HYDIN: variants seen among roughly 807,000 people sequenced by gnomAD.
The protein encoded by HYDIN is axonemal central pair apparatus protein HYDIN.
HYDIN carries 132 observed loss-of-function variants against 403.9 expected under a neutral mutation model. That is an observed-to-expected ratio of 0.33 (90% CI 0.28 to 0.38). The LOEUF is 0.38. Among genes scored for constraint, HYDIN ranks in the 10% least tolerant of loss-of-function variants. The pLI is 1.00. For missense variants in HYDIN, 2,827 were observed against 5,009.5 expected (o/e 0.56, Z 13.15); for synonymous variants, 1,202 against 1,891.7 (o/e 0.64, Z 9.46).
At chr16:71,086,158 T>G (rs2144357891) in intron 12 of HYDIN, among the ~76,000 whole-genome samples, 1 of 152,134 alleles carries the variant, frequency 6.6e-6, no homozygotes, top group Non-Finnish European at 1.5e-5. Flanking sequence ...TACTGTATTT[T>G]TAAGTTTCTT....
chr16:71,144,731 GA>G lies in HYDIN; in HGVS notation c.842-7380del, dbSNP rs1044132649. 1.1e-4 allele frequency among the ~76,000 whole-genome samples: 16 copies of G among 150,878 alleles called. 1 individual carries two copies. The highest frequency in any genetic ancestry group is 5.9e-5 in the Non-Finnish European group (4 of 67,796). On this transcript the variant is annotated intron_variant, in intron 7 of 85. Coordinates refer to ENST00000393567, the MANE Select transcript of HYDIN (RefSeq NM_001270974.2). ...AACTCTGGTTGTCAGAAAAAGCAAA[GA>G]AATCTCCTAACTTCATTTAATCAAG...
Position 70,807,534 on chromosome 16 carries a change from A to G in HYDIN, c.*46T>C. On this transcript the variant is annotated 3_prime_UTR_variant, in exon 86 of 86. Coordinates refer to ENST00000393567, the MANE Select transcript of HYDIN (RefSeq NM_001270974.2). The stretch of plus-strand genomic sequence containing the variant: ...TGTTTTCTCTATTCTTTTTCAGGCT[A>G]AGACAATGCATAGCTTTTGGTTGAT... The G allele has an allele frequency of 1.9e-6, 3 of 1,541,004 alleles. No individual in the cohort carries two copies. Among genetic ancestry groups the G allele is most frequent in the Non-Finnish European group, 2.6e-6 (3 of 1,145,138 alleles).
chr16:70,874,824 A>C lies in HYDIN; in HGVS notation c.10653T>G (p.His3551Gln), dbSNP rs1237725875. 6 of 1,613,454 alleles carry C rather than the reference A, an allele frequency of 3.7e-6. No homozygotes were observed. Among genetic ancestry groups the C allele is most frequent in the Non-Finnish European group, 5.1e-6 (6 of 1,179,810 alleles). ...YIYITEENKP[H>Q]VKAKKAHTAS... is the part of the protein sequence containing the mutation. ...CACCCTCCCCACACTTACCTTTTACATGTGGTTTATTTTCCTCTGTGATGT... is the reference window on the plus strand; with the variant it reads ...CACCCTCCCCACACTTACCTTTTACCTGTGGTTTATTTTCCTCTGTGATGT... Residue 3551 changes from histidine to glutamine, a missense_variant, in exon 63 of 86, where the codon CAT becomes CAG. Coordinates refer to ENST00000393567, the MANE Select transcript of HYDIN (RefSeq NM_001270974.2).
chr16:71,093,898 T>C lies in HYDIN; in HGVS notation c.1365A>G (p.Glu455=). 6.2e-7 allele frequency: 1 copy of C among 1,613,586 alleles called. No individual in the cohort carries two copies. The highest frequency in any genetic ancestry group is 8.5e-7 in the Non-Finnish European group (1 of 1,179,744). The stretch of plus-strand genomic sequence containing the variant: ...TGAAGTGAATCTTAGGTCCCATGCC[T>C]TCCCCTTTGATTCGGAGGGGCAGAC... ...EIRLPLRIKG[E]GMGPKIHFNF... Residue 455 remains glutamate, a synonymous_variant, in exon 11 of 86, where the codon GAA becomes GAG. Coordinates refer to ENST00000393567, the MANE Select transcript of HYDIN (RefSeq NM_001270974.2).
In HYDIN at chr16:71,020,230, A is replaced by G. The variant is rs746580128; in HGVS notation, c.3274T>C (p.Ser1092Pro). Residue 1092 changes from serine (S) to proline (P), a missense_variant, in exon 22 of 86, where the codon TCT (serine) becomes CCT (proline). Transcript: ENST00000393567. ...TLPVNLLLST[S>P]GPFFICETDK... is the part of the protein sequence containing the mutation. ...GTCTCACATATAAAGAAGGGTCCAG[A>G]TGTTGACAGCAACAAGTTCACGGGC... 12 of 1,613,984 alleles carry G rather than the reference A, an allele frequency of 7.4e-6. No individual in the cohort carries two copies. In the South Asian group the frequency reaches 1.3e-4, roughly 18 times the overall value.
At chr16:71,064,556 A>G in intron 16 of HYDIN, 149 bp downstream of exon 16, 1 of 704,854 alleles carries the variant, frequency 1.4e-6, no homozygotes, top group South Asian at 2.4e-5. Flanking sequence ...TGACTTTATA[A>G]CCCGATCCTT....
intron 75 of HYDIN, among the ~76,000 whole-genome samples, chr16:70,842,781 T>G (rs2037916325): frequency 6.6e-6 from 1 of 152,004 alleles, no homozygotes; most frequent in South Asian, 2.1e-4. Flanking sequence ...CTATATATCA[T>G]GTCTTTTTAA....
At chr16:71,197,317 G>A (rs1283747414) in intron 1 of HYDIN, among the ~76,000 whole-genome samples, 1 of 152,164 alleles carries the variant, frequency 6.6e-6, no homozygotes, top group African/African-American at 2.4e-5. Context: ...TTTTTGAGGA[G>A]TAAAGATGAA....
intron 8 of HYDIN, chr16:71,132,030 A>G (rs1455130669): frequency 6.9e-6 from 1 of 145,326 alleles, no homozygotes; most frequent in Non-Finnish European, 1.5e-5. Context: ...AGAAAAATAC[A>G]TACTTATTAG....
intron 1 of HYDIN, among the ~76,000 whole-genome samples, chr16:71,225,818 C>A (rs1290343519): frequency 1.3e-5 from 2 of 151,810 alleles, no homozygotes; most frequent in Non-Finnish European, 2.9e-5. Flanking sequence ...GTATCATATA[C>A]AATAGCATCA....
At chr16:70,843,603 C>G (rs986879511) in intron 75 of HYDIN, among the ~76,000 whole-genome samples, 4 of 139,436 alleles carry the variant, frequency 2.9e-5, no homozygotes, top group Non-Finnish European at 6.0e-5. Context: ...TTCTAGGTCC[C>G]TGAGGAATCG....
intron 5 of HYDIN, 82 bp downstream of exon 5, chr16:71,175,525 C>T (rs1331005651): frequency 7.1e-7 from 1 of 1,399,622 alleles, no homozygotes; most frequent in Middle Eastern, 1.9e-4. Context: ...CCACCACCAG[C>T]ACTACCGCCT....
At chr16:70,821,786 T>C (rs1483102515) in intron 83 of HYDIN, among the ~76,000 whole-genome samples, 2 of 152,080 alleles carry the variant, frequency 1.3e-5, no homozygotes, top group East Asian at 3.8e-4. Context: ...TTAAGAATTA[T>C]GTTAAATCTA....
chr16:71,129,709 C>G lies in HYDIN; in HGVS notation c.1158G>C (p.Ala386=), dbSNP rs1460245464. The G allele has an allele frequency of 6.2e-7, 1 of 1,614,078 alleles. No homozygotes were observed. Among genetic ancestry groups the G allele is most frequent in the Non-Finnish European group, 8.5e-7 (1 of 1,180,044 alleles). ...CTCCCTGCACCAGCCTCCTCTGATT[C>G]GCAAAGGTTCGGGACAGAACAGAAA... ...EHLSVLSRTF[A]NQRRLVQGDS... is the part of the protein sequence containing the mutation. Residue 386 remains alanine (A), a synonymous_variant, in exon 9 of 86, where the codon GCG becomes GCC. Transcript: ENST00000393567.
intron 5 of HYDIN, among the ~76,000 whole-genome samples, chr16:71,169,787 G>A (rs562978874): frequency 3.9e-5 from 6 of 152,158 alleles, no homozygotes; most frequent in African/African-American, 1.4e-4. Context: ...AAATTGCTAA[G>A]AAAGCAGATT....
At chr16:70,866,574 C>A (rs1450017433) in intron 66 of HYDIN, among the ~76,000 whole-genome samples, 1 of 151,758 alleles carries the variant, frequency 6.6e-6, no homozygotes, top group African/African-American at 2.4e-5. Context: ...TACATAAAAT[C>A]CAGGTGGGCC....
rs766419374 is a variant in HYDIN, at chr16:70,807,224, G to A, written c.*356C>T. On this transcript the variant is annotated 3_prime_UTR_variant, in exon 86 of 86. Transcript: ENST00000393567. ...AAGAAACTGCAGTACCCAGCGTCAC[G>A]CATTGCTAAGTGTTGTAGAGTAGAA... Among the ~76,000 whole-genome samples, 25 of 152,170 alleles carry A rather than the reference G, an allele frequency of 1.6e-4. No individual in the cohort carries two copies. The highest frequency in any genetic ancestry group is 2.9e-4 in the Non-Finnish European group (20 of 68,034).
Position 70,892,529 on chromosome 16 carries a change from G to A in HYDIN, c.9249C>T (p.Ser3083=), listed in dbSNP as rs2041531619. ...AAATCCCTACAGAGTCCACGGAAAA[G>A]CTGAAAGACAAGAATAAGAAGTCAG... The part of the protein sequence containing the change: ...KNRGKYEIAF[S]FSVDSVGIST... Residue 3083 remains serine, a splice_region_variant and synonymous_variant, in exon 56 of 86, where the codon AGC becomes AGT. Coordinates refer to ENST00000393567, the MANE Select transcript of HYDIN (RefSeq NM_001270974.2). The A allele has an allele frequency of 6.2e-7, 1 of 1,603,514 alleles. No individual in the cohort carries two copies. Among genetic ancestry groups the A allele is most frequent in the Admixed American group, 1.7e-5 (1 of 57,598 alleles).
chr16:70,813,071 C>T (rs1490009716), intron 84 of HYDIN, among the ~76,000 whole-genome samples: 2 of 151,344 alleles, frequency 1.3e-5, no homozygotes, highest in Admixed American at 6.6e-5. Flanking sequence ...ACTTGCCTCA[C>T]CCTCCTGAGT....
Sources: allele counts gnomAD v4.1 joint callset (sites outside exome capture counted in the v4.1 genomes callset), GRCh38; gene constraint gnomAD v4.1.1; transcripts MANE v1.5; gene names NCBI Gene and HGNC (gene_info 2026-07-23, HGNC 2026-07-21).